Variants in SMG7 observed in about 807,000 individuals in gnomAD.
The protein encoded by SMG7 is nonsense-mediated mRNA decay factor SMG7.
In SMG7, 34 loss-of-function variants were observed where a neutral mutation model predicts 148.2. The observed-to-expected ratio is 0.23, with a 90% CI of 0.17 to 0.31. The LOEUF (loss-of-function observed/expected upper bound fraction) is 0.31. Among genes scored for constraint, SMG7 ranks in the 10% least tolerant of loss-of-function variants. The pLI is 1.00. For synonymous variants in SMG7, 492 were observed against 515.1 expected, an observed-to-expected ratio of 0.96 and a Z score of 0.61; for missense variants, 1,114 against 1,408.4, an observed-to-expected ratio of 0.79 and a Z score of 3.35.
At chr1:183,504,132 A>G (rs1660371902) in intron 1 of SMG7, among the ~76,000 whole-genome samples, 2 of 151,974 alleles carry the variant, frequency 1.3e-5, no homozygotes, top group Admixed American at 1.3e-4. Context: ...CTTTTATTGT[A>G]TTGAAATTAT....
At chr1:183,482,294 GT>G (rs1279842797) in intron 1 of SMG7, among the ~76,000 whole-genome samples, 2 of 152,066 alleles carry the variant, frequency 1.3e-5, no homozygotes, top group Non-Finnish European at 2.9e-5. Context: ...TTATATTTGA[GT>G]AGCTGGTGTG....
intron 1 of SMG7, among the ~76,000 whole-genome samples, chr1:183,474,706 T>C (rs1001619447): frequency 5.9e-5 from 9 of 152,230 alleles, no homozygotes; most frequent in Non-Finnish European, 1.2e-4. Context: ...TCATTAGTTG[T>C]TTTGTTGATC....
chr1:183,545,344 A>G (rs1442066632), intron 16 of SMG7, 32 bp downstream of exon 16: 1 of 1,583,302 alleles, frequency 6.3e-7, no homozygotes, highest in Admixed American at 1.7e-5. Flanking sequence ...TATCCAGCTG[A>G]ATGAAATAAG....
chr1:183,521,901 G>A (rs1303173919), intron 4 of SMG7, among the ~76,000 whole-genome samples: 1 of 151,856 alleles, frequency 6.6e-6, no homozygotes, highest in Non-Finnish European at 1.5e-5. Flanking sequence ...ACTGGAGTTG[G>A]AAAGTAAGCA....
chr1:183,533,038 C>T (rs1667143265), intron 8 of SMG7, 126 bp from the exon 9 acceptor site: 1 of 749,852 alleles, frequency 1.3e-6, no homozygotes, highest in Non-Finnish European at 2.2e-6. Flanking sequence ...GAGGGCAGAA[C>T]CATTTACTCA....
At chr1:183,509,270 A>G (rs1271962446) in intron 1 of SMG7, among the ~76,000 whole-genome samples, 1 of 152,204 alleles carries the variant, frequency 6.6e-6, no homozygotes, top group Non-Finnish European at 1.5e-5. Context: ...AAAATTTCAG[A>G]TATAATCTAT....
Position 183,543,025 on chromosome 1 carries a change from G to A in SMG7, c.1842+523G>A, listed in dbSNP as rs192408483. Among the ~76,000 whole-genome samples, 86 of 149,876 alleles carry A rather than the reference G, an allele frequency of 5.7e-4. No homozygotes were observed. The South Asian group carries it at 5.9e-3, about 10-fold the overall frequency. On this transcript the variant is annotated intron_variant, in intron 14 of 22. Coordinates refer to ENST00000688051, the MANE Select transcript of SMG7 (RefSeq NM_001375584.1). ...TTTTATTGACAATTATACTTGTCCC[G>A]GCTATTGGTATTAATATCACTTTAA...
intron 4 of SMG7, among the ~76,000 whole-genome samples, chr1:183,521,681 C>T (rs761517050): frequency 1.7e-4 from 26 of 151,970 alleles, no homozygotes; most frequent in Non-Finnish European, 3.1e-4. Context: ...GCCTGGGTAA[C>T]GTGGTGAGAC....
intron 1 of SMG7, among the ~76,000 whole-genome samples, chr1:183,476,701 T>C (rs1652265915): frequency 6.6e-6 from 1 of 152,218 alleles, no homozygotes; most frequent in African/African-American, 2.4e-5. Context: ...ATCTTTTTAA[T>C]ACACTGACAA....
chr1:183,547,552 A>G (rs753975673), intron 18 of SMG7, among the ~76,000 whole-genome samples: 6 of 152,214 alleles, frequency 3.9e-5, no homozygotes, highest in African/African-American at 7.2e-5. Context: ...CTCACTTTGC[A>G]GGTGACACTT....
At chr1:183,498,506 T>TAAAACAA (rs1041426047) in intron 1 of SMG7, among the ~76,000 whole-genome samples, 4 of 152,170 alleles carry the variant, frequency 2.6e-5, no homozygotes, top group African/African-American at 9.7e-5. Flanking sequence ...CAATAGAGTT[T>TAAAACAA]AAAACAAAAA....
At chr1:183,496,376 A>G (rs1658485923) in intron 1 of SMG7, among the ~76,000 whole-genome samples, 1 of 152,096 alleles carries the variant, frequency 6.6e-6, no homozygotes, top group Non-Finnish European at 1.5e-5. Flanking sequence ...ATCCCATCCT[A>G]TTAAAAAACA....
chr1:183,532,350 G>A (rs1202660515), intron 8 of SMG7, among the ~76,000 whole-genome samples: 1 of 152,134 alleles, frequency 6.6e-6, no homozygotes, highest in Non-Finnish European at 1.5e-5. Flanking sequence ...ATGAAACTAG[G>A]AACTTCTGTT....
At chr1:183,509,261 A>G (rs1661630182) in intron 1 of SMG7, among the ~76,000 whole-genome samples, 1 of 152,204 alleles carries the variant, frequency 6.6e-6, no homozygotes, top group Non-Finnish European at 1.5e-5. Context: ...CTTTTGATAA[A>G]AATTTCAGAT....
chr1:183,520,621 G>A lies in SMG7; in HGVS notation c.312+2801G>A, dbSNP rs542132375. Among the ~76,000 whole-genome samples, 35 of 152,220 alleles carry A rather than the reference G, an allele frequency of 2.3e-4. No individual in the cohort carries two copies. The South Asian group carries it at 3.7e-3, about 16-fold the overall frequency. On this transcript the variant is annotated intron_variant, in intron 4 of 22. Transcript: ENST00000688051. ...TGGCTCTGTTGGGGGGAGGGGGAAG[G>A]CATCTACCTTCTGCAGTACATTTTT...
intron 20 of SMG7, 160 bp downstream of exon 20, chr1:183,550,083 AAAG>A (rs1315295117): frequency 7.3e-5 from 45 of 615,448 alleles, no homozygotes; most frequent in Middle Eastern, 4.6e-4. Flanking sequence ...AGAAAAAAAA[AAAG>A]AAGAAGCCGG....
intron 3 of SMG7, 50 bp downstream of exon 3, chr1:183,516,041 C>A: frequency 8.8e-7 from 1 of 1,136,282 alleles, no homozygotes; most frequent in Non-Finnish European, 1.3e-6. Context: ...AAGAATTTCA[C>A]CGAGACTTTA....
chr1:183,495,565 T>C (rs1019751766), intron 1 of SMG7, among the ~76,000 whole-genome samples: 10 of 152,060 alleles, frequency 6.6e-5, no homozygotes, highest in Admixed American at 1.3e-4. Flanking sequence ...GGGTGTGTCT[T>C]ATGCTGTTCA....
In SMG7 at chr1:183,541,120, T is replaced by C. The variant is rs1347362791; in HGVS notation, c.1415+17T>C. ...TCAGCCAAGGTAAGTCTGGAACTTC[T>C]GGTCTACCCCTTTTTAACCACCTTT... is the stretch of plus-strand genomic sequence containing the variant. On this transcript the variant is annotated intron_variant, in intron 13 of 22. Coordinates refer to ENST00000688051, the MANE Select transcript of SMG7 (RefSeq NM_001375584.1). 3 of 1,610,702 alleles carry C rather than the reference T, an allele frequency of 1.9e-6. No individual in the cohort carries two copies. Among genetic ancestry groups the C allele is most frequent in the South Asian group, 2.2e-5 (2 of 90,638 alleles).
Sources: allele counts gnomAD v4.1 joint callset (sites outside exome capture counted in the v4.1 genomes callset), GRCh38; gene constraint gnomAD v4.1.1; transcripts MANE v1.5; gene names NCBI Gene and HGNC (gene_info 2026-07-23, HGNC 2026-07-21).